FHIT: variants seen among roughly 807,000 people sequenced by gnomAD.
FHIT encodes bis(5'-adenosyl)-triphosphatase.
Under a neutral mutation model 17.9 loss-of-function variants are expected in FHIT, and 19 were observed. That is an observed-to-expected ratio of 1.06 (90% CI 0.74 to 1.56). The LOEUF (loss-of-function observed/expected upper bound fraction) is 1.56. Ranked by LOEUF, FHIT falls within the 40% of genes most tolerant of loss-of-function variation. The pLI is 0.00. For missense variants in FHIT, 248 were observed against 189.2 expected, an observed-to-expected ratio of 1.31 and a Z score of -1.82; for synonymous variants, 81 against 69.7, an observed-to-expected ratio of 1.16 and a Z score of -0.81.
At chr3:60,856,665 G>C (rs535522404) in intron 3 of FHIT, 1 of 152,222 alleles carries the variant, frequency 6.6e-6, no homozygotes, top group Non-Finnish European at 1.5e-5. Flanking sequence ...GAGATCTTCA[G>C]TGGCTCACTA....
intron 5 of FHIT, among the ~76,000 whole-genome samples, chr3:60,487,933 G>A (rs1029429110): frequency 1.0e-3 from 158 of 152,220 alleles, no homozygotes; most frequent in African/African-American, 3.7e-3. Context: ...ATAGAATTTC[G>A]ATGAAACTTC....
At chr3:61,007,527 T>C (rs2031531710) in intron 3 of FHIT, among the ~76,000 whole-genome samples, 1 of 152,192 alleles carries the variant, frequency 6.6e-6, no homozygotes, top group African/African-American at 2.4e-5. Context: ...TAATATATGA[T>C]TTTCATCTGT....
intron 7 of FHIT, among the ~76,000 whole-genome samples, chr3:59,947,595 T>C (rs931978128): frequency 6.6e-6 from 1 of 152,132 alleles, no homozygotes; most frequent in African/African-American, 2.4e-5. Flanking sequence ...TCTGGAAGAT[T>C]TCAGGGGGCC....
intron 4 of FHIT, among the ~76,000 whole-genome samples, chr3:60,689,175 C>T (rs2040929919): frequency 6.6e-6 from 1 of 152,196 alleles, no homozygotes; most frequent in Admixed American, 6.5e-5. Flanking sequence ...TAAGATGTGA[C>T]TTGCTCCTCC....
At chr3:59,868,047 T>TA (rs1553701048) in intron 8 of FHIT, among the ~76,000 whole-genome samples, 3,408 of 111,342 alleles carry the variant, frequency 0.031, 65 homozygotes, top group Middle Eastern at 0.059. Flanking sequence ...TTTTTTTTTT[T>TA]AAAAAAAAAA....
chr3:60,575,356 T>A (rs578143761), intron 4 of FHIT, among the ~76,000 whole-genome samples: 1 of 152,298 alleles, frequency 6.6e-6, no homozygotes, highest in East Asian at 1.9e-4. Flanking sequence ...GGAAGACTTT[T>A]AGTATCAAAC....
intron 5 of FHIT, among the ~76,000 whole-genome samples, chr3:60,279,901 A>G (rs1248045667): frequency 6.6e-6 from 1 of 151,878 alleles, no homozygotes; most frequent in Non-Finnish European, 1.5e-5. Context: ...GTATGGTGGC[A>G]GGCACTTCTA....
intron 3 of FHIT, among the ~76,000 whole-genome samples, chr3:60,903,459 C>A (rs1489298048): frequency 6.6e-6 from 1 of 152,172 alleles, no homozygotes; most frequent in African/African-American, 2.4e-5. Flanking sequence ...CAAATAAAGA[C>A]CTAAATCTGG....
chr3:59,918,853 C>T (rs1029210700), intron 8 of FHIT, among the ~76,000 whole-genome samples: 3 of 152,218 alleles, frequency 2.0e-5, no homozygotes, highest in Middle Eastern at 3.4e-3. Flanking sequence ...ACCAAAAATA[C>T]TTTGCAGGCA....
intron 5 of FHIT, among the ~76,000 whole-genome samples, chr3:60,495,861 G>A (rs1246808637): frequency 6.6e-6 from 1 of 152,078 alleles, no homozygotes; most frequent in East Asian, 1.9e-4. Context: ...AAAGCTCAAA[G>A]AGACCAACTG....
intron 2 of FHIT, among the ~76,000 whole-genome samples, chr3:61,075,808 A>T (rs1286753838): frequency 6.6e-6 from 1 of 152,154 alleles, no homozygotes. Flanking sequence ...TAGGGATATA[A>T]ACATTTAAAG....
chr3:60,444,515 T>TA (rs1468603394), intron 5 of FHIT, among the ~76,000 whole-genome samples: 3 of 151,976 alleles, frequency 2.0e-5, no homozygotes, highest in Admixed American at 6.6e-5. Context: ...TATGCAGCCA[T>TA]AAAAAAATGA....
At chr3:60,364,616 G>A (rs1018391189) in intron 5 of FHIT, among the ~76,000 whole-genome samples, 8 of 152,204 alleles carry the variant, frequency 5.3e-5, no homozygotes, top group Admixed American at 4.6e-4. Context: ...AAGGCTATAT[G>A]TGTACATGCT....
chr3:60,863,032 G>A (rs1364443190), intron 3 of FHIT, among the ~76,000 whole-genome samples: 1 of 152,126 alleles, frequency 6.6e-6, no homozygotes, highest in Non-Finnish European at 1.5e-5. Context: ...AAAAACATAA[G>A]TGGAAGGTGG....
chr3:60,887,502 C>A (rs1553759532), intron 3 of FHIT, among the ~76,000 whole-genome samples: 1 of 151,906 alleles, frequency 6.6e-6, no homozygotes, highest in Non-Finnish European at 1.5e-5. Flanking sequence ...AAAAATTAGC[C>A]AGGCGTGGTG....
At position 60,519,584 on chromosome 3, in the gene FHIT, G is replaced by T. The variant is rs2035283403; in HGVS notation, c.103+17276C>A. Among the ~76,000 whole-genome samples, 3 of 130,830 alleles carry T rather than the reference G, an allele frequency of 2.3e-5. No individual in the cohort carries two copies. In the Admixed American group the frequency reaches 2.4e-4, roughly 10 times the overall value. The allele number at this position is 130,830 out of a possible 152,430, so 85.8% of individuals were successfully genotyped here. On this transcript the variant is annotated intron_variant, in intron 5 of 9. Coordinates refer to ENST00000492590, the MANE Select transcript of FHIT (RefSeq NM_002012.4). Reference sequence around the variant, plus strand: ...TATTGTATTCTTAAAGTAAACTAGAGAAAATATTAATATTAAGAAAACCAT... The same window carrying T: ...TATTGTATTCTTAAAGTAAACTAGATAAAATATTAATATTAAGAAAACCAT...
chr3:60,912,437 TTAAG>T (rs1200371576), intron 3 of FHIT, among the ~76,000 whole-genome samples: 1 of 151,976 alleles, frequency 6.6e-6, no homozygotes, highest in Non-Finnish European at 1.5e-5. Context: ...ATTATAGGGA[TTAAG>T]TGAGAAAATG....
At chr3:60,931,560 C>G (rs71313796) in intron 3 of FHIT, among the ~76,000 whole-genome samples, 208 of 151,744 alleles carry the variant, frequency 1.4e-3, no homozygotes, top group Middle Eastern at 3.4e-3. Context: ...GAAAATGAAG[C>G]GGTCAAATCG....
In FHIT at chr3:60,007,833, C is replaced by A. The variant is rs141656308; in HGVS notation, c.279+3538G>T. Among the ~76,000 whole-genome samples the A allele has an allele frequency of 9.5e-3, 1,451 of 152,052 alleles. 20 individuals carry two copies. Among genetic ancestry groups the A allele is most frequent in the African/African-American group, 0.033 (1,345 of 41,344 alleles). On this transcript the variant is annotated intron_variant, in intron 7 of 9. Coordinates refer to ENST00000492590, the MANE Select transcript of FHIT (RefSeq NM_002012.4). ...CATGTGAGTAGAGGGCAGAACTCCTCTGGAATGAAGGTCTTATGACCTACT... is the reference window on the plus strand; with the variant it reads ...CATGTGAGTAGAGGGCAGAACTCCTATGGAATGAAGGTCTTATGACCTACT...
Sources: allele counts gnomAD v4.1 joint callset (sites outside exome capture counted in the v4.1 genomes callset), GRCh38; gene constraint gnomAD v4.1.1; transcripts MANE v1.5; gene names NCBI Gene and HGNC (gene_info 2026-07-23, HGNC 2026-07-21).